Variants in LSS observed in about 807,000 individuals in gnomAD.
LSS encodes the protein 2,3-epoxysqualene-lanosterol cyclase.
A neutral mutation model predicts 110.3 loss-of-function variants in LSS; 90 were observed. The ratio of observed to expected loss-of-function variants is 0.82; its 90% CI spans 0.69 to 0.97. LSS has a LOEUF of 0.97. Ranked by LOEUF, LSS falls within the 50% of genes least tolerant of loss-of-function variation. The probability of loss-of-function intolerance (pLI) is 0.00; values close to 1 mark genes in which losing one functional copy is unlikely to be tolerated. For synonymous variants in LSS, 433 were observed against 400.0 expected, an observed-to-expected ratio of 1.08 and a Z score of -0.98; for missense variants, 927 against 990.0, an observed-to-expected ratio of 0.94 and a Z score of 0.85.
At chr21:46,213,116 G>C in intron 10 of LSS, 64 bp from the exon 11 acceptor site, 1 of 1,513,196 alleles carries the variant, frequency 6.6e-7, no homozygotes. Context: ...CTGCTACCCA[G>C]ACCCTGCACT....
chr21:46,218,376 C>T lies in LSS; in HGVS notation c.647+1100G>A, dbSNP rs1390402684. ...GGGAGCAGTGGCTCATGGCTCCCAG[C>T]ACTTTGGGAGGCCAAGGCAGGCGGA... On this transcript the variant is annotated intron_variant, in intron 6 of 21. Transcript: ENST00000397728. Among the ~76,000 whole-genome samples the T allele has an allele frequency of 3.3e-5, 5 of 152,164 alleles. No homozygotes were observed. In the South Asian group the frequency reaches 1.0e-3, roughly 31 times the overall value.
intron 11 of LSS, among the ~76,000 whole-genome samples, chr21:46,211,716 G>C (rs570168272): frequency 6.6e-6 from 1 of 152,162 alleles, no homozygotes; most frequent in Non-Finnish European, 1.5e-5. Flanking sequence ...CAATGGGATC[G>C]AGCCTCAGGG....
chr21:46,200,933 C>T (rs2079969904), intron 17 of LSS, among the ~76,000 whole-genome samples: 1 of 152,276 alleles, frequency 6.6e-6, no homozygotes, highest in African/African-American at 2.4e-5. Flanking sequence ...TAGGGGTACA[C>T]ATCCTATCTG....
intron 17 of LSS, among the ~76,000 whole-genome samples, chr21:46,204,345 C>A (rs1232044163): frequency 6.6e-6 from 1 of 150,902 alleles, no homozygotes. Context: ...TTGATGAAAC[C>A]AAAAATAAAG....
intron 10 of LSS, 134 bp downstream of exon 10, chr21:46,213,604 C>T (rs1381951405): frequency 1.4e-6 from 1 of 703,408 alleles, no homozygotes; most frequent in Non-Finnish European, 2.5e-6. Flanking sequence ...CAAGCCCTGA[C>T]ACTGCTGGTT....
chr21:46,227,351 T>A, intron 3 of LSS: 1 of 604,138 alleles, frequency 1.7e-6, no homozygotes, highest in Non-Finnish European at 2.8e-6. Flanking sequence ...TCAGAGAGCC[T>A]GTCACCCTAC....
At chr21:46,197,399 C>T (rs2079923128) in intron 17 of LSS, among the ~76,000 whole-genome samples, 1 of 152,144 alleles carries the variant, frequency 6.6e-6, no homozygotes, top group Non-Finnish European at 1.5e-5. Context: ...AGAAAAAAAA[C>T]TCTAGGCCTA....
intron 6 of LSS, among the ~76,000 whole-genome samples, chr21:46,218,355 G>A (rs1219391254): frequency 1.8e-5 from 2 of 110,360 alleles, no homozygotes; most frequent in African/African-American, 3.5e-5. Flanking sequence ...AAGGCCGGGA[G>A]CAGTGGCTCA....
Position 46,192,590 on chromosome 21 carries a change from A to T in LSS, c.1989-631T>A, listed in dbSNP as rs376570991. On this transcript the variant is annotated intron_variant, in intron 20 of 21. Coordinates refer to ENST00000397728, the MANE Select transcript of LSS (RefSeq NM_002340.6). ...CCTGTATGTACATCTGTCTCCATGT[A>T]CGTATGTCTGTGTGGCACAGATGCG... The T allele has an allele frequency of 1.8e-4, 55 of 307,212 alleles. No homozygotes were observed. The African/African-American group carries it at 2.6e-3, about 14-fold the overall frequency. 19.0% of individuals were successfully genotyped at this position (307,212 alleles called of 1,614,324 possible). A position where few individuals can be genotyped will look rare whatever the true frequency, so the allele number is the denominator to read the frequency against.
At chr21:46,218,780 T>C (rs1179729607) in intron 6 of LSS, among the ~76,000 whole-genome samples, 7 of 150,592 alleles carry the variant, frequency 4.6e-5, no homozygotes, top group Admixed American at 1.3e-4. Context: ...GGCTGGAATA[T>C]GGTGGCACGA....
chr21:46,227,654 C>T lies in LSS; in HGVS notation c.217G>A (p.Ala73Thr), dbSNP rs572447104. The change falls in exon 3 of 22, where the codon GCC becomes ACC. Residue 73 changes from alanine (A) to threonine (T), a missense_variant. Physicochemically the swap from Ala to Thr is moderately conservative, Grantham distance 58 (BLOSUM62 0). Transcript: ENST00000397728. Reference sequence around the variant, plus strand: ...ATCCCGTTCAGAGCCCCCTCAAAGGCGGTGTGGGCTTTGGGCAAGTCCTTA... The same window carrying T: ...ATCCCGTTCAGAGCCCCCTCAAAGGTGGTGTGGGCTTTGGGCAAGTCCTTA... The part of the protein sequence containing the change: ...YFKDLPKAHT[A>T]FEGALNGMTF... The T allele has an allele frequency of 1.2e-4, 186 of 1,613,200 alleles. 1 individual carries two copies. The highest frequency in any genetic ancestry group is 1.5e-4 in the Non-Finnish European group (178 of 1,179,892).
chr21:46,192,635 A>C, intron 20 of LSS: 1 of 364,054 alleles, frequency 2.7e-6, no homozygotes, highest in South Asian at 2.0e-5. Context: ...GTGCATCTGC[A>C]TATGTGTGCA....
In LSS at chr21:46,191,925, G is replaced by C. The variant is rs538130640; in HGVS notation, c.2023C>G (p.Arg675Gly). 1.2e-6 allele frequency: 2 copies of C among 1,613,628 alleles called. No homozygotes were observed. The highest frequency in any genetic ancestry group is 1.7e-5 in the Admixed American group (1 of 59,952). The part of the protein sequence containing the change: ...PDIEAQERGV[R>G]CLLEKQLPNG... ...GGGAGCTGTTTCTCAAGTAGACACC[G>C]GACTCCTCTCTCCTGGGCCTCGATG... is the stretch of plus-strand genomic sequence containing the variant. The change falls in exon 21 of 22, where the codon CGG becomes GGG. Residue 675 changes from arginine to glycine, a missense_variant. Transcript: ENST00000397728.
chr21:46,213,881 C>G lies in LSS; in HGVS notation c.1012-46G>C, dbSNP rs1184830372. 8 of 1,372,264 alleles carry G rather than the reference C, an allele frequency of 5.8e-6. No homozygotes were observed. In the East Asian group the frequency reaches 7.1e-5, roughly 12 times the overall value. 85.0% of individuals were successfully genotyped at this position (1,372,264 alleles called of 1,614,324 possible). On this transcript the variant is annotated intron_variant, in intron 9 of 21. Transcript: ENST00000397728. ...TCAAGGCTCCGCTCCAGACCCACAG[C>G]AGCCTCCAGGGACAAGGTCTCGTCC... is the stretch of plus-strand genomic sequence containing the variant.
intron 7 of LSS, among the ~76,000 whole-genome samples, 154 bp from the exon 8 acceptor site, chr21:46,215,947 T>G (rs1300321483): frequency 2.0e-5 from 3 of 152,086 alleles, no homozygotes; most frequent in Admixed American, 2.0e-4. Flanking sequence ...CGAGGCCACA[T>G]GAAGGCCCCC....
chr21:46,227,401 C>A (rs1020248707), intron 3 of LSS, 151 bp downstream of exon 3: 17 of 898,582 alleles, frequency 1.9e-5, no homozygotes, highest in East Asian at 5.3e-5. Context: ...AATAGCAGGA[C>A]GACTCTGACA....
intron 17 of LSS, among the ~76,000 whole-genome samples, chr21:46,200,196 A>AT (rs1375420467): frequency 1.3e-5 from 2 of 152,256 alleles, no homozygotes; most frequent in Non-Finnish European, 2.9e-5. Context: ...ACAGTGATAA[A>AT]TAAGTAAATA....
rs1295901579 is a variant in LSS, at chr21:46,227,697, A to C, written c.181-7T>G. On this transcript the variant is annotated splice_region_variant and splice_polypyrimidine_tract_variant and intron_variant, in intron 2 of 21. Transcript: ENST00000397728. ...AGTCCTTAAAGTAATTCTTCTGCAA[A>C]GAGATCGAAAAAAAAAAAAAGAGAT... The C allele has an allele frequency of 2.5e-6, 4 of 1,584,156 alleles. No individual in the cohort carries two copies. In the African/African-American group the frequency reaches 6.1e-5, roughly 24 times the overall value.
intron 17 of LSS, among the ~76,000 whole-genome samples, chr21:46,204,303 TAAGA>T (rs749739682): frequency 7.9e-5 from 12 of 151,344 alleles, no homozygotes; most frequent in East Asian, 1.9e-4. Flanking sequence ...TCAAAAAAAT[TAAGA>T]AAGAAAGAAA....
Sources: gnomAD v4.1 joint callset for allele counts (sites outside exome capture counted in the v4.1 genomes callset) on GRCh38, gnomAD v4.1.1 for gene constraint, MANE v1.5 for transcripts, NCBI Gene and HGNC (gene_info 2026-07-23, HGNC 2026-07-21) for gene names.